The following ARAP1 variants were observed in gnomAD, a reference collection of about 807,000 sequenced individuals.
ARAP1 encodes the protein arf-GAP with Rho-GAP domain, ANK repeat and PH domain-containing protein 1.
A neutral mutation model predicts 172.2 loss-of-function variants in ARAP1; 76 were observed. That is an observed-to-expected ratio of 0.44 (90% CI 0.37 to 0.53). The LOEUF (loss-of-function observed/expected upper bound fraction) is 0.53. ARAP1 is among the 20% of genes least tolerant of loss of function. The probability of loss-of-function intolerance (pLI) is 0.00; values close to 1 mark genes in which losing one functional copy is unlikely to be tolerated. For missense variants in ARAP1, 1,686 were observed against 1,977.5 expected (o/e 0.85, Z 2.80); for synonymous variants, 804 against 803.3 (o/e 1.00, Z -0.01).
intron 33 of ARAP1, chr11:72,687,160 C>T (rs774995299): frequency 2.0e-5 from 10 of 504,234 alleles, no homozygotes; most frequent in African/African-American, 1.9e-4. Flanking sequence ...TCACACTGGG[C>T]TATAACTGGC....
At position 72,713,159 on chromosome 11, in the gene ARAP1, C is replaced by G. The variant is rs758562139; in HGVS notation, c.747+17G>C. On this transcript the variant is annotated intron_variant, in intron 5 of 34. Transcript: ENST00000393609. ...CACAACACCCTGACAGGCAGACAGT[C>G]CCATGCCTGGCCCCACCTTCTTGGT... 13 of 1,613,392 alleles carry G rather than the reference C, an allele frequency of 8.1e-6. No homozygotes were observed. Among genetic ancestry groups the G allele is most frequent in the Non-Finnish European group, 1.1e-5 (13 of 1,179,544 alleles).
chr11:72,722,853 C>A (rs1452314375), intron 3 of ARAP1, among the ~76,000 whole-genome samples: 2 of 152,198 alleles, frequency 1.3e-5, no homozygotes, highest in Non-Finnish European at 2.9e-5. Flanking sequence ...GAAGCCAGTT[C>A]ACAGGGCTCA....
chr11:72,744,924 G>C lies in ARAP1; in HGVS notation c.-128+7404C>G, dbSNP rs74766416. On this transcript the variant is annotated intron_variant, in intron 1 of 34. Coordinates refer to ENST00000393609, the MANE Select transcript of ARAP1 (RefSeq NM_001040118.3). ...GCTTAGCATGTCCATCTTTAGAGCCGAGAAAGAGACAGAAGGAAGAGAGCA... is the reference window on the plus strand; with the variant it reads ...GCTTAGCATGTCCATCTTTAGAGCCCAGAAAGAGACAGAAGGAAGAGAGCA... Among the ~76,000 whole-genome samples, 1,015 of 152,308 alleles carry C rather than the reference G, an allele frequency of 6.7e-3. 20 individuals are homozygous for C. Among genetic ancestry groups the C allele is most frequent in the African/African-American group, 0.023 (968 of 41,564 alleles).
At chr11:72,687,532 G>A (rs1267121515) in intron 32 of ARAP1, 30 bp from the exon 33 acceptor site, 7 of 1,613,966 alleles carry the variant, frequency 4.3e-6, no homozygotes, top group Non-Finnish European at 5.1e-6. Flanking sequence ...CCCACATGAT[G>A]CCAAAGGCCT....
chr11:72,707,875 G>A (rs1856840505), intron 11 of ARAP1, among the ~76,000 whole-genome samples: 1 of 152,018 alleles, frequency 6.6e-6, no homozygotes. Context: ...AAGTAGGAAG[G>A]AGGGGAGGGT....
rs1326332140 is a variant in ARAP1, at chr11:72,725,626, C to A, written c.509+994G>T. Among the ~76,000 whole-genome samples the A allele has an allele frequency of 6.6e-6, 1 of 152,086 alleles. No homozygotes were observed. The highest frequency in any genetic ancestry group is 2.4e-5 in the African/African-American group (1 of 41,378). On this transcript the variant is annotated intron_variant, in intron 3 of 34. Coordinates refer to ENST00000393609, the MANE Select transcript of ARAP1 (RefSeq NM_001040118.3). This position sits in a 1 kb window ranked among gnomAD's most constrained non-coding sequence, Gnocchi z 4.3. The stretch of plus-strand genomic sequence containing the variant: ...CTCCCAGACCCTCCCCACAAGGCCC[C>A]CTGAGTATGTCCTTGGCATGGATCC...
intron 14 of ARAP1, chr11:72,703,408 C>CGGGGAG (rs1338059182): frequency 8.8e-6 from 1 of 113,728 alleles, no homozygotes; most frequent in African/African-American, 3.6e-5. Context: ...GTGGAGGAGC[C>CGGGGAG]GGGGGGGGGG....
At chr11:72,692,021 T>C (rs1300936006) in intron 30 of ARAP1, among the ~76,000 whole-genome samples, 12 of 152,118 alleles carry the variant, frequency 7.9e-5, no homozygotes, top group Admixed American at 7.9e-4. Context: ...CAGGCAGTAA[T>C]GCTCACTCGC....
rs1856352721 is a variant in ARAP1 at position 72,699,137 on chromosome 11, C to A, written c.2439-30G>T. 6.2e-7 allele frequency: 1 copy of A among 1,609,944 alleles called. No homozygotes were observed. The highest frequency in any genetic ancestry group is 8.5e-7 in the Non-Finnish European group (1 of 1,176,732). ...AAATACACAGGCCAGGACTCAGGCC[C>A]ACCTCATCCAGCACGGGCCCACCCC... On this transcript the variant is annotated intron_variant, in intron 17 of 34. Transcript: ENST00000393609. The surrounding 1 kb of genome is among the most constrained non-coding windows in gnomAD (Gnocchi z 4.2).
intron 7 of ARAP1, 21 bp from the exon 8 acceptor site, chr11:72,711,520 C>T (rs1440649489): frequency 5.0e-6 from 8 of 1,599,802 alleles, no homozygotes; most frequent in Middle Eastern, 1.7e-4. Context: ...AGAGGGACAA[C>T]AAGCAAATGA....
rs888018070 is a variant in ARAP1, at chr11:72,726,086, G to A, written c.509+534C>T. ...AGTTCTGAGGAGGGAGGGCATGCCA[G>A]ATGAGGCCTGAGAAGTGTCCCAGGA... On this transcript the variant is annotated intron_variant, in intron 3 of 34. Coordinates refer to ENST00000393609, the MANE Select transcript of ARAP1 (RefSeq NM_001040118.3). This position sits in a 1 kb window ranked among gnomAD's most constrained non-coding sequence, Gnocchi z 6.5. Among the ~76,000 whole-genome samples the A allele has an allele frequency of 3.3e-5, 5 of 152,202 alleles. No homozygotes were observed. The highest frequency in any genetic ancestry group is 7.3e-5 in the Non-Finnish European group (5 of 68,038).
In ARAP1 at chr11:72,695,497, T is replaced by C; in HGVS notation, c.3508-42A>G. On this transcript the variant is annotated intron_variant, in intron 25 of 34. Transcript: ENST00000393609. The surrounding 1 kb of genome is among the most constrained non-coding windows in gnomAD (Gnocchi z 4.4). ...CTCAGCTGGGGGCCTAGGAAATGGG[T>C]GCAGGTGGCAGGTCCAAGCCCCCCA... The C allele has an allele frequency of 6.2e-7, 1 of 1,614,138 alleles. No homozygotes were observed. Among genetic ancestry groups the C allele is most frequent in the Non-Finnish European group, 8.5e-7 (1 of 1,180,014 alleles).
rs775629628 is a variant in ARAP1 at position 72,710,813 on chromosome 11, T to C, written c.1213+208A>G. On this transcript the variant is annotated intron_variant, in intron 9 of 34. Coordinates refer to ENST00000393609, the MANE Select transcript of ARAP1 (RefSeq NM_001040118.3). The surrounding 1 kb of genome is among the most constrained non-coding windows in gnomAD (Gnocchi z 4.3). ...TCCAAGCCTGCTCCCGCTGATTGTG[T>C]GGTTCTGAGGAGTCAGTGACCGTGC... Among the ~76,000 whole-genome samples the C allele has an allele frequency of 2.0e-5, 3 of 152,206 alleles. No homozygotes were observed. Among genetic ancestry groups the C allele is most frequent in the Non-Finnish European group, 2.9e-5 (2 of 68,028 alleles).
chr11:72,718,747 T>C (rs1167126993), intron 3 of ARAP1, among the ~76,000 whole-genome samples: 1 of 148,396 alleles, frequency 6.7e-6, no homozygotes, highest in African/African-American at 2.4e-5. Context: ...TCAGAGAAAA[T>C]ACATGCAGCA....
rs1858196430 is a variant in ARAP1, at chr11:72,741,458, A to C, written c.-127-8861T>G. 6.6e-6 allele frequency among the ~76,000 whole-genome samples: 1 copy of C among 152,060 alleles called. No individual in the cohort carries two copies. The highest frequency in any genetic ancestry group is 1.5e-5 in the Non-Finnish European group (1 of 67,992). ...GGGGCGCTCCCACCACCAGCAAGAC[A>C]GGGCTCTGGCCTGGCTCCCTGGCCC... On this transcript the variant is annotated intron_variant, in intron 1 of 34. Transcript: ENST00000393609. This position sits in a 1 kb window ranked among gnomAD's most constrained non-coding sequence, Gnocchi z 4.5.
intron 4 of ARAP1, 93 bp downstream of exon 4, chr11:72,714,059 A>G (rs1035516913): frequency 1.5e-6 from 2 of 1,303,642 alleles, no homozygotes; most frequent in East Asian, 3.0e-5. Context: ...CTTGCACAGA[A>G]AGGAGTGTGA....
At chr11:72,713,290 C>T in intron 4 of ARAP1, 47 bp from the exon 5 acceptor site, 2 of 1,566,806 alleles carry the variant, frequency 1.3e-6, no homozygotes, top group Non-Finnish European at 1.8e-6. Flanking sequence ...GGCCTGGCCT[C>T]CTCTCCTGGG....
Position 72,709,898 on chromosome 11 carries a change from C to T in ARAP1, c.1495G>A (p.Asp499Asn), listed in dbSNP as rs1480325852. ...NVKEVDRRSF[D>N]LTTPYRIFSF... ...AAGATGCGGTAGGGCGTGGTGAGGT[C>T]GAAGCTGCGCCGGTCCACTTCCTTC... The change falls in exon 11 of 35, where the codon GAC becomes AAC. Residue 499 changes from aspartate (D) to asparagine (N), a missense_variant. Transcript: ENST00000393609. 7 of 1,614,122 alleles carry T rather than the reference C, an allele frequency of 4.3e-6. No individual in the cohort carries two copies. Among genetic ancestry groups the T allele is most frequent in the South Asian group, 1.1e-5 (1 of 91,090 alleles).
chr11:72,746,565 C>G (rs1459796426), intron 1 of ARAP1, among the ~76,000 whole-genome samples: 2 of 152,196 alleles, frequency 1.3e-5, no homozygotes, highest in African/African-American at 4.8e-5. Context: ...ACCCTAAAAT[C>G]CTCGAATCTC....
Sources: allele counts gnomAD v4.1 joint callset (sites outside exome capture counted in the v4.1 genomes callset), GRCh38; gene constraint gnomAD v4.1.1; non-coding constraint Gnocchi (gnomAD v3.1); transcripts MANE v1.5; gene names NCBI Gene and HGNC (gene_info 2026-07-23, HGNC 2026-07-21).